KIRREL1: variants seen among roughly 807,000 people sequenced by gnomAD.
The protein encoded by KIRREL1 is kirre like nephrin family adhesion molecule 1.
A neutral mutation model predicts 83.3 loss-of-function variants in KIRREL1; 25 were observed. The observed-to-expected ratio is 0.30, with a 90% CI of 0.22 to 0.42. The LOEUF (loss-of-function observed/expected upper bound fraction) is 0.42, where lower values mean the gene tolerates loss of function less well. Among genes scored for constraint, KIRREL1 ranks in the 10% least tolerant of loss-of-function variants. The pLI is 1.00. For synonymous variants in KIRREL1, 388 were observed against 410.4 expected, an observed-to-expected ratio of 0.95 and a Z score of 0.66; for missense variants, 812 against 1,032.3, an observed-to-expected ratio of 0.79 and a Z score of 2.92.
In KIRREL1 at chr1:158,062,456, C is replaced by T. The variant is rs963421095; in HGVS notation, c.53-13657C>T. Among the ~76,000 whole-genome samples, 8 of 152,238 alleles carry T rather than the reference C, an allele frequency of 5.3e-5. No individual in the cohort carries two copies. In the South Asian group the frequency reaches 8.3e-4, roughly 16 times the overall value. The stretch of plus-strand genomic sequence containing the variant: ...GAGTTAGATGGATCGATTCAGCAGC[C>T]GGTTGGAACTGCTTTTACTTTACGC... On this transcript the variant is annotated intron_variant, in intron 1 of 14. Transcript: ENST00000359209.
chr1:158,097,957 T>A lies in KIRREL1; in HGVS notation c.*2837T>A, dbSNP rs1662395601. 1 of 152,138 alleles carries A rather than the reference T, an allele frequency of 6.6e-6. No individual in the cohort carries two copies. The highest frequency in any genetic ancestry group is 2.4e-5 in the African/African-American group (1 of 41,420). The allele number at this position is 152,138 out of a possible 1,614,324, so 9.4% of individuals were successfully genotyped here. A position where few individuals can be genotyped will look rare whatever the true frequency, so the allele number is the denominator to read the frequency against. ...GAGGGTTGCATAAACCTAAAACTAT[T>A]CTGGTTTTGTTATACCCATAGGGTT... is the stretch of plus-strand genomic sequence containing the variant. On this transcript the variant is annotated 3_prime_UTR_variant, in exon 15 of 15. Coordinates refer to ENST00000359209, the MANE Select transcript of KIRREL1 (RefSeq NM_018240.7).
intron 1 of KIRREL1, among the ~76,000 whole-genome samples, chr1:158,059,266 C>G (rs1661147849): frequency 1.3e-5 from 2 of 152,186 alleles, no homozygotes; most frequent in Admixed American, 1.3e-4. Context: ...CTATTGTTGT[C>G]TAAAGCATCA....
At chr1:158,081,029 C>T (rs1272634228) in intron 3 of KIRREL1, among the ~76,000 whole-genome samples, 1 of 116,036 alleles carries the variant, frequency 8.6e-6, no homozygotes, top group East Asian at 2.0e-4. Context: ...CCCTCAGCAG[C>T]CCCCCAGCTC....
chr1:158,095,166 CTT>C lies in KIRREL1; in HGVS notation c.*48_*49del. The C allele has an allele frequency of 7.5e-7, 1 of 1,327,820 alleles. No homozygotes were observed. The highest frequency in any genetic ancestry group is 1.0e-6 in the Non-Finnish European group (1 of 961,062). The allele number at this position is 1,327,820 out of a possible 1,614,324, so 82.3% of individuals were successfully genotyped here. Reference sequence around the variant, plus strand: ...CATCTCTGCGGGGCAGAGGAGAAGGCTTTCACAGCTGTTCCCTGATATTCAGG... The same window carrying C: ...CATCTCTGCGGGGCAGAGGAGAAGGCTCACAGCTGTTCCCTGATATTCAGG... On this transcript the variant is annotated 3_prime_UTR_variant, in exon 15 of 15. Coordinates refer to ENST00000359209, the MANE Select transcript of KIRREL1 (RefSeq NM_018240.7).
At chr1:158,070,425 G>A (rs1012348404) in intron 1 of KIRREL1, among the ~76,000 whole-genome samples, 26 of 152,174 alleles carry the variant, frequency 1.7e-4, no homozygotes, top group Non-Finnish European at 1.0e-4. Context: ...CATCTGCCTC[G>A]GTGCCTGGCA....
intron 3 of KIRREL1, among the ~76,000 whole-genome samples, chr1:158,078,550 G>A (rs765296273): frequency 4.6e-5 from 7 of 152,128 alleles, no homozygotes; most frequent in Non-Finnish European, 1.0e-4. Flanking sequence ...AGCTGCCTCG[G>A]AGACCCCAAA....
chr1:158,088,204 A>G (rs1029127443), intron 7 of KIRREL1, 50 bp downstream of exon 7: 9 of 1,613,578 alleles, frequency 5.6e-6, no homozygotes, highest in South Asian at 1.1e-5. Flanking sequence ...GGGCCCCCAA[A>G]GGGCCTTGGA....
At chr1:158,087,124 T>C (rs1662039972) in intron 5 of KIRREL1, among the ~76,000 whole-genome samples, 1 of 152,218 alleles carries the variant, frequency 6.6e-6, no homozygotes, top group South Asian at 2.1e-4. Context: ...TAGTCTTTTA[T>C]TTAATTTAGT....
At chr1:158,069,302 T>TCGTGTGTG (rs1661441927) in intron 1 of KIRREL1, among the ~76,000 whole-genome samples, 1 of 143,292 alleles carries the variant, frequency 7.0e-6, no homozygotes, top group Non-Finnish European at 1.5e-5. Flanking sequence ...TATGACGTAC[T>TCGTGTGTG]TGTGTGTGTG....
At chr1:158,074,896 T>C (rs934730781) in intron 1 of KIRREL1, among the ~76,000 whole-genome samples, 6 of 152,114 alleles carry the variant, frequency 3.9e-5, no homozygotes, top group African/African-American at 1.4e-4. Context: ...GATTTGGGGA[T>C]TGTGGCCTCT....
intron 1 of KIRREL1, among the ~76,000 whole-genome samples, chr1:158,061,671 G>A (rs1661219061): frequency 6.6e-6 from 1 of 152,202 alleles, no homozygotes; most frequent in Non-Finnish European, 1.5e-5. Flanking sequence ...ACAGGACAGA[G>A]AGACAAGTGA....
At chr1:158,009,588 C>T (rs558902740) in intron 1 of KIRREL1, among the ~76,000 whole-genome samples, 93 of 152,250 alleles carry the variant, frequency 6.1e-4, no homozygotes, top group Non-Finnish European at 1.2e-3. Flanking sequence ...TCTACTTCCT[C>T]GAAAAAGGAG....
At chr1:158,086,773 G>A in intron 5 of KIRREL1, 27 bp downstream of exon 5, 3 of 1,446,508 alleles carry the variant, frequency 2.1e-6, no homozygotes, top group African/African-American at 1.4e-5. Context: ...GAGCAGTCTG[G>A]AGCAGGGGGG....
At position 158,097,155 on chromosome 1, in the gene KIRREL1, C is replaced by A. The variant is rs201152298; in HGVS notation, c.*2035C>A. The A allele has an allele frequency of 2.2e-6, 1 of 444,772 alleles. No homozygotes were observed. The highest frequency in any genetic ancestry group is 4.5e-6 in the Non-Finnish European group (1 of 221,678). 27.6% of individuals were successfully genotyped at this position (444,772 alleles called of 1,614,324 possible). ...TGTATTCCATCCCTGGAAGCTGATA[C>A]CTTTCTATAGAGTCCTTTTATGAGA... On this transcript the variant is annotated 3_prime_UTR_variant, in exon 15 of 15. Coordinates refer to ENST00000359209, the MANE Select transcript of KIRREL1 (RefSeq NM_018240.7).
At chr1:157,997,935 G>A (rs4971171) in intron 1 of KIRREL1, among the ~76,000 whole-genome samples, 1,994 of 152,256 alleles carry the variant, frequency 0.013, 30 homozygotes, top group Admixed American at 0.022. Flanking sequence ...AGGCTAGGGT[G>A]CAGTGGTGTG....
intron 8 of KIRREL1, among the ~76,000 whole-genome samples, chr1:158,089,015 G>A (rs1662110054): frequency 6.6e-6 from 1 of 152,010 alleles, no homozygotes; most frequent in African/African-American, 2.4e-5. Context: ...AAGGGAGAGG[G>A]CCTGGGGCGG....
At position 158,089,774 on chromosome 1, in the gene KIRREL1, A is replaced by C; in HGVS notation, c.1228A>C (p.Lys410Gln). ...GTATGCTGTGAGGGGTGACGGTGGC[A>C]AGGTGGAGTGTTTCATTGGGAGCAC... is the stretch of plus-strand genomic sequence containing the variant. ...VQYAVRGDGG[K>Q]VECFIGSTPP... The change falls in exon 10 of 15, where the codon AAG (lysine) becomes CAG (glutamine). Residue 410 changes from lysine to glutamine, a missense_variant. Physicochemically the swap from Lys to Gln is moderately conservative, Grantham distance 53 (BLOSUM62 1). Around this residue, in one of 3 missense-constraint regions of KIRREL1, gnomAD observed 472 missense variants for 626.8 expected, o/e 0.75. Transcript: ENST00000359209. The C allele has an allele frequency of 6.2e-7, 1 of 1,614,104 alleles. No homozygotes were observed. Among genetic ancestry groups the C allele is most frequent in the Middle Eastern group, 1.7e-4 (1 of 6,060 alleles).
At position 158,097,349 on chromosome 1, in the gene KIRREL1, T is replaced by G. The variant is rs1662381272; in HGVS notation, c.*2229T>G. 1 of 304,236 alleles carries G rather than the reference T, an allele frequency of 3.3e-6. No individual in the cohort carries two copies. 18.8% of individuals were successfully genotyped at this position (304,236 alleles called of 1,614,324 possible). Reference sequence around the variant, plus strand: ...TTCCAAAAAGAATTCATTTTTGTTTTGGGTTTGGCTAGATTCTCTTATTTA... The same window carrying G: ...TTCCAAAAAGAATTCATTTTTGTTTGGGGTTTGGCTAGATTCTCTTATTTA... On this transcript the variant is annotated 3_prime_UTR_variant, in exon 15 of 15. Coordinates refer to ENST00000359209, the MANE Select transcript of KIRREL1 (RefSeq NM_018240.7).
intron 1 of KIRREL1, among the ~76,000 whole-genome samples, chr1:158,066,563 C>T (rs1282997012): frequency 6.6e-6 from 1 of 152,202 alleles, no homozygotes; most frequent in Non-Finnish European, 1.5e-5. Flanking sequence ...GTTTCCTTCC[C>T]TCCCACTGTG....
Sources: allele counts gnomAD v4.1 joint callset (sites outside exome capture counted in the v4.1 genomes callset), GRCh38; gene constraint gnomAD v4.1.1; regional missense constraint gnomAD v4.1.1; transcripts MANE v1.5; gene names NCBI Gene and HGNC (gene_info 2026-07-23, HGNC 2026-07-21).